Variants in PPM1G observed in about 807,000 individuals in gnomAD.
The protein encoded by PPM1G is protein phosphatase, Mg2+/Mn2+ dependent 1G, also known as protein phosphatase 1G.
PPM1G carries 12 observed loss-of-function variants against 59.4 expected under a neutral mutation model. That is an observed-to-expected ratio of 0.20 (90% CI 0.13 to 0.33). The LOEUF is 0.33. Ranked by LOEUF, PPM1G falls within the 10% of genes least tolerant of loss-of-function variation. PPM1G has a pLI of 1.00. For synonymous variants in PPM1G, 245 were observed against 251.9 expected (o/e 0.97, Z 0.26); for missense variants, 392 against 681.3 (o/e 0.58, Z 4.73).
rs1683620986 is a variant in PPM1G at position 27,381,400 on chromosome 2, G to C, written c.*199C>G. ...GAACCGGTGATGAGCCCGAGGAGCA[G>C]AGGCGGCTGGGAAGGACAGCAGAGG... is the stretch of plus-strand genomic sequence containing the variant. On this transcript the variant is annotated 3_prime_UTR_variant, in exon 10 of 10. Transcript: ENST00000344034. 4.9e-6 allele frequency: 3 copies of C among 609,354 alleles called. No homozygotes were observed. The highest frequency in any genetic ancestry group is 8.7e-6 in the Non-Finnish European group (3 of 343,474). 37.7% of individuals were successfully genotyped at this position (609,354 alleles called of 1,614,324 possible).
intron 1 of PPM1G, among the ~76,000 whole-genome samples, chr2:27,401,022 T>C (rs953059180): frequency 6.6e-6 from 1 of 152,072 alleles, no homozygotes; most frequent in Non-Finnish European, 1.5e-5. Context: ...CAGGCCTGGC[T>C]ATTGCTGCAA....
intron 1 of PPM1G, among the ~76,000 whole-genome samples, chr2:27,398,403 G>A (rs748548917): frequency 6.6e-6 from 1 of 152,172 alleles, no homozygotes; most frequent in African/African-American, 2.4e-5. Flanking sequence ...ACTCTTAGAA[G>A]AAAACCTAAG....
rs1478873032 is a variant in PPM1G, at chr2:27,384,521, G to C, written c.825+152C>G. On this transcript the variant is annotated intron_variant, in intron 5 of 9. Coordinates refer to ENST00000344034, the MANE Select transcript of PPM1G (RefSeq NM_177983.3). The surrounding 1 kb of genome is among the most constrained non-coding windows in gnomAD (Gnocchi z 4.8). ...GGCAAATGGTACCTGTGATGATGGA[G>C]CTCAATGAATTCAAGACTAAAGCTT... 3.1e-6 allele frequency: 3 copies of C among 963,426 alleles called. No homozygotes were observed. The highest frequency in any genetic ancestry group is 4.6e-6 in the Non-Finnish European group (3 of 648,086). 59.7% of individuals were successfully genotyped at this position (963,426 alleles called of 1,614,324 possible).
At position 27,381,277 on chromosome 2, in the gene PPM1G, T is replaced by A. The variant is rs763768691; in HGVS notation, c.*322A>T. The A allele has an allele frequency of 7.1e-6, 3 of 421,248 alleles. No individual in the cohort carries two copies. Among genetic ancestry groups the A allele is most frequent in the Non-Finnish European group, 1.3e-5 (3 of 227,894 alleles). The allele number at this position is 421,248 out of a possible 1,614,324, so 26.1% of individuals were successfully genotyped here. The stretch of plus-strand genomic sequence containing the variant: ...AGCGGGTGCAAGCGGCCGAGGGCCA[T>A]GGAGCCGCCAATAAAAAAGAATGTC... On this transcript the variant is annotated 3_prime_UTR_variant, in exon 10 of 10. Coordinates refer to ENST00000344034, the MANE Select transcript of PPM1G (RefSeq NM_177983.3).
In PPM1G at chr2:27,385,252, C is replaced by G. The variant is rs914399382; in HGVS notation, c.410-164G>C. On this transcript the variant is annotated intron_variant, in intron 4 of 9. Transcript: ENST00000344034. The surrounding 1 kb of genome is among the most constrained non-coding windows in gnomAD (Gnocchi z 4.1). The stretch of plus-strand genomic sequence containing the variant: ...GAAGAACATGCCCTAGCTCCTCCTC[C>G]TCCACAGACTTCTTTTGGTTTTTGT... The G allele has an allele frequency of 1.5e-6, 1 of 682,568 alleles. No homozygotes were observed. The highest frequency in any genetic ancestry group is 2.3e-6 in the Non-Finnish European group (1 of 433,986). 42.3% of individuals were successfully genotyped at this position (682,568 alleles called of 1,614,324 possible).
In PPM1G at chr2:27,383,844, AC is replaced by A. The variant is rs558608497; in HGVS notation, c.966+107del. ...TGCAGAATAAATCCCCATGACTATT[AC>A]TTCCATCCTAAAGTATCAGGGGGAT... On this transcript the variant is annotated intron_variant, in intron 6 of 9. Coordinates refer to ENST00000344034, the MANE Select transcript of PPM1G (RefSeq NM_177983.3). The surrounding 1 kb of genome is among the most constrained non-coding windows in gnomAD (Gnocchi z 5.0). 5.5e-5 allele frequency: 81 copies of A among 1,461,608 alleles called. No individual in the cohort carries two copies. The South Asian group carries it at 1.0e-3, about 19-fold the overall frequency. 90.5% of individuals were successfully genotyped at this position (1,461,608 alleles called of 1,614,324 possible).
At position 27,409,560 on chromosome 2, in the gene PPM1G, C is replaced by G. The variant is rs1479343881; in HGVS notation, c.-138G>C. ...AAGGTGCCGGTGAAAGGCGCGAGGC[C>G]GGCCAGGAGGCGGTAACGGGACGGG... On this transcript the variant is annotated 5_prime_UTR_variant, in exon 1 of 10. Transcript: ENST00000344034. 2 of 1,144,126 alleles carry G rather than the reference C, an allele frequency of 1.7e-6. No homozygotes were observed. The highest frequency in any genetic ancestry group is 2.3e-5 in the South Asian group (1 of 42,750). The allele number at this position is 1,144,126 out of a possible 1,614,324, so 70.9% of individuals were successfully genotyped here. A position where few individuals can be genotyped will look rare whatever the true frequency, so the allele number is the denominator to read the frequency against.
chr2:27,399,448 G>A (rs1469815491), intron 1 of PPM1G, among the ~76,000 whole-genome samples: 2 of 152,060 alleles, frequency 1.3e-5, no homozygotes, highest in African/African-American at 2.4e-5. Context: ...CCAGGGAGGC[G>A]GATCCTTTGA....
chr2:27,395,021 G>A (rs970723048), intron 1 of PPM1G, among the ~76,000 whole-genome samples: 1 of 151,940 alleles, frequency 6.6e-6, no homozygotes, highest in African/African-American at 2.4e-5. Flanking sequence ...CTTGGGGTCA[G>A]GAGTTTGAGA....
chr2:27,408,411 CCTCTT>C (rs2148430068), intron 1 of PPM1G, among the ~76,000 whole-genome samples: 1 of 152,266 alleles, frequency 6.6e-6, no homozygotes, highest in East Asian at 1.9e-4. Flanking sequence ...CGCAGTTTTC[CCTCTT>C]CTCTTTTGTA....
chr2:27,393,189 G>C lies in PPM1G; in HGVS notation c.121-6031C>G. The C allele has an allele frequency of 5.3e-6, 8 of 1,523,674 alleles. No homozygotes were observed. The South Asian group carries it at 7.8e-5, about 15-fold the overall frequency. The allele number at this position is 1,523,674 out of a possible 1,614,324, so 94.4% of individuals were successfully genotyped here. A position where few individuals can be genotyped will look rare whatever the true frequency, so the allele number is the denominator to read the frequency against. On this transcript the variant is annotated intron_variant, in intron 1 of 9. Coordinates refer to ENST00000344034, the MANE Select transcript of PPM1G (RefSeq NM_177983.3). The stretch of plus-strand genomic sequence containing the variant: ...CTCAGCATGTTCCCTCTCCTCATGA[G>C]ATTGGTGAAGAAAGTATTTGGCAAA...
chr2:27,384,103 G>C lies in PPM1G; in HGVS notation c.826-11C>G, dbSNP rs1179305504. On this transcript the variant is annotated splice_polypyrimidine_tract_variant and intron_variant, in intron 5 of 9. Transcript: ENST00000344034. This position sits in a 1 kb window ranked among gnomAD's most constrained non-coding sequence, Gnocchi z 4.8. Reference sequence around the variant, plus strand: ...TTCCTCGCTGCATTCCTGCCAGGGGGAGGATCCCAGACTGCTGAGACTGGG... The same window carrying C: ...TTCCTCGCTGCATTCCTGCCAGGGGCAGGATCCCAGACTGCTGAGACTGGG... 12 of 1,613,858 alleles carry C rather than the reference G, an allele frequency of 7.4e-6. No individual in the cohort carries two copies. The highest frequency in any genetic ancestry group is 1.0e-5 in the Non-Finnish European group (12 of 1,179,964).
rs1191513943 is a variant in PPM1G, at chr2:27,402,814, A to C, written c.120+6489T>G. Among the ~76,000 whole-genome samples the C allele has an allele frequency of 2.3e-4, 11 of 47,402 alleles. 1 individual carries two copies. Among genetic ancestry groups the C allele is most frequent in the African/African-American group, 1.4e-3 (11 of 8,122 alleles). The allele number at this position is 47,402 out of a possible 152,430, so 31.1% of individuals were successfully genotyped here. A position where few individuals can be genotyped will look rare whatever the true frequency, so the allele number is the denominator to read the frequency against. On this transcript the variant is annotated intron_variant, in intron 1 of 9. Coordinates refer to ENST00000344034, the MANE Select transcript of PPM1G (RefSeq NM_177983.3). Reference sequence around the variant, plus strand: ...AGTGTAAGACTCCATCTCAATAAATAAATAAATAAATAAATAAATAAATAA... The same window carrying C: ...AGTGTAAGACTCCATCTCAATAAATCAATAAATAAATAAATAAATAAATAA...
intron 1 of PPM1G, among the ~76,000 whole-genome samples, chr2:27,406,295 G>A (rs868833260): frequency 6.6e-6 from 1 of 152,058 alleles, no homozygotes; most frequent in Non-Finnish European, 1.5e-5. Flanking sequence ...ATATTTTCTG[G>A]AAAGATAAGA....
At chr2:27,381,974 G>C (rs980572589) in intron 9 of PPM1G, 152 bp downstream of exon 9, 18 of 1,000,076 alleles carry the variant, frequency 1.8e-5, no homozygotes, top group Non-Finnish European at 2.6e-5. Context: ...GCTAAGTCAG[G>C]GAAATGACAG....
chr2:27,388,317 G>A (rs1219680465), intron 1 of PPM1G, among the ~76,000 whole-genome samples: 1 of 151,960 alleles, frequency 6.6e-6, no homozygotes, highest in Admixed American at 6.6e-5. Context: ...GGTGAGGCAG[G>A]AGAATCACTT....
At chr2:27,402,602 G>C (rs1055272243) in intron 1 of PPM1G, among the ~76,000 whole-genome samples, 2 of 151,758 alleles carry the variant, frequency 1.3e-5, no homozygotes, top group East Asian at 1.9e-4. Context: ...GTCAGGAATC[G>C]AGACCATCCT....
In PPM1G at chr2:27,384,611, G is replaced by C. The variant is rs1010083523; in HGVS notation, c.825+62C>G. ...GAAGGAAAGAGAGTTGAAAACTACAGACGGCAACCAAACAGGACCTCTCTG... is the reference window on the plus strand; with the variant it reads ...GAAGGAAAGAGAGTTGAAAACTACACACGGCAACCAAACAGGACCTCTCTG... On this transcript the variant is annotated intron_variant, in intron 5 of 9. Coordinates refer to ENST00000344034, the MANE Select transcript of PPM1G (RefSeq NM_177983.3). This position sits in a 1 kb window ranked among gnomAD's most constrained non-coding sequence, Gnocchi z 4.8. 48 of 1,524,468 alleles carry C rather than the reference G, an allele frequency of 3.1e-5. No homozygotes were observed. The highest frequency in any genetic ancestry group is 3.0e-4 in the South Asian group (23 of 77,718). The allele number at this position is 1,524,468 out of a possible 1,614,324, so 94.4% of individuals were successfully genotyped here. A position where few individuals can be genotyped will look rare whatever the true frequency, so the allele number is the denominator to read the frequency against.
intron 1 of PPM1G, among the ~76,000 whole-genome samples, chr2:27,404,502 A>G (rs899476156): frequency 1.3e-4 from 19 of 151,930 alleles, no homozygotes; most frequent in African/African-American, 4.6e-4. Flanking sequence ...GTGAGCCGAG[A>G]TCAAGCCACT....
Sources: gnomAD v4.1 joint callset for allele counts (sites outside exome capture counted in the v4.1 genomes callset) on GRCh38, gnomAD v4.1.1 for gene constraint, Gnocchi (gnomAD v3.1) non-coding constraint, MANE v1.5 for transcripts, NCBI Gene and HGNC (gene_info 2026-07-23, HGNC 2026-07-21) for gene names.